FAM167A: variants seen among roughly 807,000 people sequenced by gnomAD.
The protein encoded by FAM167A is family with sequence similarity 167 member A.
In FAM167A, 23 loss-of-function variants were observed where a neutral mutation model predicts 14.9. That is an observed-to-expected ratio of 1.55 (90% CI 1.11 to 2.19). The LOEUF is 2.19. Among genes scored for constraint, FAM167A ranks in the 30% most tolerant of loss-of-function variants. The pLI, the probability that FAM167A is intolerant of heterozygous loss-of-function variation, is 0.00. For missense variants in FAM167A, 401 were observed against 281.5 expected (o/e 1.42, Z -3.04); for synonymous variants, 174 against 117.7 (o/e 1.48, Z -3.10).
At chr8:11,466,998 CATTTTCTCATTAAA>C (rs1807801290), upstream of FAM167A, among the ~76,000 whole-genome samples, 1 of 152,216 alleles carries the variant, frequency 6.6e-6, no homozygotes, top group Non-Finnish European at 1.5e-5. Context: ...CCCAAACATC[CATTTTCTCATTAAA>C]CCCGAAACCA....
rs904455086 is a variant in FAM167A at position 11,465,218 on chromosome 8, C to T, written c.-398+1408G>A. 1.1e-4 allele frequency among the ~76,000 whole-genome samples: 16 copies of T among 152,306 alleles called. No homozygotes were observed. The South Asian group carries it at 1.2e-3, about 12-fold the overall frequency. On this transcript the variant is annotated intron_variant, in intron 1 of 2. Coordinates refer to ENST00000284486, the MANE Select transcript of FAM167A (RefSeq NM_053279.3). Reference sequence around the variant, plus strand: ...TTCTCAGGTCATAAGATGAGCCCCACGACACAGTTCTCATTTCATCTGGGC... The same window carrying T: ...TTCTCAGGTCATAAGATGAGCCCCATGACACAGTTCTCATTTCATCTGGGC...
At chr8:11,432,541 T>C (rs894861882) in intron 2 of FAM167A, among the ~76,000 whole-genome samples, 2 of 152,192 alleles carry the variant, frequency 1.3e-5, no homozygotes, top group Non-Finnish European at 2.9e-5. Flanking sequence ...CCAGTTAGGA[T>C]GGTGATCATT....
At chr8:11,446,016 C>CAAA (rs36111790) in intron 1 of FAM167A, among the ~76,000 whole-genome samples, 39 of 84,250 alleles carry the variant, frequency 4.6e-4, no homozygotes, top group African/African-American at 1.7e-3. Flanking sequence ...ACATCCCGGC[C>CAAA]AAAAAAAAAA....
intron 1 of FAM167A, among the ~76,000 whole-genome samples, chr8:11,465,832 G>C (rs895101837): frequency 7.9e-5 from 12 of 152,192 alleles, no homozygotes; most frequent in African/African-American, 2.9e-4. Context: ...CTTGACTTGG[G>C]AGAACCTGCT....
intron 2 of FAM167A, 26 bp from the exon 3 acceptor site, chr8:11,424,662 G>C (rs1489169509): frequency 4.3e-6 from 7 of 1,610,816 alleles, no homozygotes; most frequent in Non-Finnish European, 5.9e-6. Flanking sequence ...AGCAGGCAGG[G>C]TCAGCAGAGA....
chr8:11,454,081 C>T (rs1028887839), intron 1 of FAM167A, among the ~76,000 whole-genome samples: 1 of 152,212 alleles, frequency 6.6e-6, no homozygotes. Context: ...GAATTAGCTA[C>T]ACTGTGACTT....
chr8:11,425,875 T>C lies in FAM167A; in HGVS notation c.382-1239A>G, dbSNP rs74338476. Among the ~76,000 whole-genome samples, 132 of 152,330 alleles carry C rather than the reference T, an allele frequency of 8.7e-4. 1 individual carries two copies. The East Asian group carries it at 0.02, about 23-fold the overall frequency. Reference sequence around the variant, plus strand: ...TCTTTGACATATTTTGAAATGGCCCTGCAAAACCATCTCTTGTGGGAGATA... The same window carrying C: ...TCTTTGACATATTTTGAAATGGCCCCGCAAAACCATCTCTTGTGGGAGATA... On this transcript the variant is annotated intron_variant, in intron 2 of 2. Transcript: ENST00000284486.
chr8:11,459,869 C>A (rs940910659), intron 1 of FAM167A, among the ~76,000 whole-genome samples: 2 of 152,134 alleles, frequency 1.3e-5, no homozygotes, highest in African/African-American at 4.8e-5. Flanking sequence ...GCACCCACCA[C>A]CACACCCACC....
rs192818795 is a variant in FAM167A, at chr8:11,442,906, A to G, written c.381+1125T>C. 2.0e-5 allele frequency among the ~76,000 whole-genome samples: 3 copies of G among 152,330 alleles called. No homozygotes were observed. In the East Asian group the frequency reaches 5.8e-4, roughly 29 times the overall value. Reference sequence around the variant, plus strand: ...AATCAGTCAGATCCCTGCGTCCCTGAGCCCTGCCCCACTCCAAACCCCAGT... The same window carrying G: ...AATCAGTCAGATCCCTGCGTCCCTGGGCCCTGCCCCACTCCAAACCCCAGT... On this transcript the variant is annotated intron_variant, in intron 2 of 2. Transcript: ENST00000284486.
intron 1 of FAM167A, among the ~76,000 whole-genome samples, chr8:11,472,880 G>C (rs1279484687): frequency 6.6e-6 from 1 of 152,226 alleles, no homozygotes; most frequent in East Asian, 1.9e-4. Flanking sequence ...CTATCCTGCT[G>C]GGCAGAGGCA....
At position 11,422,116 on chromosome 8, in the gene FAM167A, G is replaced by C. The variant is rs189482952; in HGVS notation, c.*2257C>G. ...GTGTCTTGATCTTAGTTTCCACCCA[G>C]AGAATGAAGAAAGCAAGCAAGCACT... On this transcript the variant is annotated 3_prime_UTR_variant, in exon 3 of 3. Transcript: ENST00000284486. The C allele has an allele frequency of 6.7e-6, 2 of 297,386 alleles. No homozygotes were observed. The highest frequency in any genetic ancestry group is 1.6e-4 in the South Asian group (1 of 6,104). The allele number at this position is 297,386 out of a possible 1,614,324, so 18.4% of individuals were successfully genotyped here. A position where few individuals can be genotyped will look rare whatever the true frequency, so the allele number is the denominator to read the frequency against.
intron 2 of FAM167A, chr8:11,438,352 T>G: frequency 6.8e-6 from 3 of 439,134 alleles, no homozygotes; most frequent in Non-Finnish European, 1.4e-5. Flanking sequence ...AGCTCTCACA[T>G]CAAACAGGAA....
exon 1 of FAM167A, among the ~76,000 whole-genome samples, chr8:11,475,894 C>T (rs1201504064): frequency 6.6e-6 from 1 of 152,184 alleles, no homozygotes; most frequent in East Asian, 1.9e-4. Context: ...CTTGGTTATC[C>T]TCCCAGTAGA....
chr8:11,475,054 C>T (rs928508352), intron 1 of FAM167A, among the ~76,000 whole-genome samples: 1 of 152,150 alleles, frequency 6.6e-6, no homozygotes, highest in Non-Finnish European at 1.5e-5. Flanking sequence ...AACAAATGAG[C>T]AGGACTCTTC....
upstream of FAM167A, among the ~76,000 whole-genome samples, chr8:11,470,563 G>T (rs1215656490): frequency 6.6e-6 from 1 of 152,206 alleles, no homozygotes; most frequent in Non-Finnish European, 1.5e-5. Flanking sequence ...ACCAGACTCT[G>T]CTCTCTTGTC....
chr8:11,441,594 A>C lies in FAM167A; in HGVS notation c.381+2437T>G, dbSNP rs189729056. Among the ~76,000 whole-genome samples the C allele has an allele frequency of 5.3e-5, 8 of 152,124 alleles. 1 individual carries two copies. Among genetic ancestry groups the C allele is most frequent in the Admixed American group, 3.9e-4 (6 of 15,286 alleles). On this transcript the variant is annotated intron_variant, in intron 2 of 2. Transcript: ENST00000284486. ...GGAACCCTCTGCGTTGGGCCACCTC[A>C]CGAGCCTCACCTGCTACCTCTCTCC...
intron 2 of FAM167A, among the ~76,000 whole-genome samples, chr8:11,439,568 T>C (rs1392382341): frequency 2.6e-5 from 2 of 76,682 alleles, no homozygotes; most frequent in Non-Finnish European, 6.9e-5. Context: ...CAAGGTTCTC[T>C]TCTCTCTCTC....
At chr8:11,449,620 G>A (rs1332786585) in intron 1 of FAM167A, among the ~76,000 whole-genome samples, 1 of 152,198 alleles carries the variant, frequency 6.6e-6, no homozygotes, top group South Asian at 2.1e-4. Flanking sequence ...ATCAGACCCT[G>A]TAATCCCACC....
chr8:11,433,835 G>A (rs755562403), intron 2 of FAM167A: 2 of 152,204 alleles, frequency 1.3e-5, no homozygotes, highest in Non-Finnish European at 1.5e-5. Context: ...ACTGTCCGAC[G>A]ATTTGGGAAT....
Sources: gnomAD v4.1 joint callset for allele counts (sites outside exome capture counted in the v4.1 genomes callset) on GRCh38, gnomAD v4.1.1 for gene constraint, MANE v1.5 for transcripts, NCBI Gene and HGNC (gene_info 2026-07-23, HGNC 2026-07-21) for gene names.